Variants in KIAA1217 observed in about 807,000 individuals in gnomAD.
KIAA1217 encodes sickle tail protein homolog.
KIAA1217 carries 88 observed loss-of-function variants against 163.9 expected under a neutral mutation model. That is an observed-to-expected ratio of 0.54 (90% CI 0.45 to 0.64). The LOEUF (loss-of-function observed/expected upper bound fraction) is 0.64, where lower values mean the gene tolerates loss of function less well. KIAA1217 is among the 30% of genes least tolerant of loss of function. The pLI is 0.00. For missense variants in KIAA1217, 2,372 were observed against 2,475.0 expected, an observed-to-expected ratio of 0.96 and a Z score of 0.88; for synonymous variants, 903 against 923.1, an observed-to-expected ratio of 0.98 and a Z score of 0.39.
In KIAA1217 at chr10:24,513,367, C is replaced by T. The variant is rs764228256; in HGVS notation, c.2110C>T (p.Arg704Cys). The change falls in exon 10 of 21, where the codon CGC (arginine) becomes TGC (cysteine). Residue 704 changes from arginine (R) to cysteine (C), a missense_variant. By Grantham distance (180) the Arg-to-Cys change is radical (BLOSUM62 -3). Transcript: ENST00000376454. ...ACTGGAGGATCCCGTGCAGCGACAGCGCGTCCTAGTGGAGCAAGAGAGACA... is the reference window on the plus strand; with the variant it reads ...ACTGGAGGATCCCGTGCAGCGACAGTGCGTCCTAGTGGAGCAAGAGAGACA... ...KRLEDPVQRQ[R>C]VLVEQERQKY... The T allele has an allele frequency of 6.2e-6, 10 of 1,614,022 alleles. No individual in the cohort carries two copies. The highest frequency in any genetic ancestry group is 1.1e-5 in the South Asian group (1 of 91,086).
At chr10:24,007,595 G>A (rs6482354) in intron 2 of KIAA1217, among the ~76,000 whole-genome samples, 5,318 of 152,156 alleles carry the variant, frequency 0.035, 218 homozygotes, top group African/African-American at 0.098. Flanking sequence ...TTGGTGTTGC[G>A]GACAGGGTTA....
chr10:24,510,644 G>T (rs903392525), intron 9 of KIAA1217, among the ~76,000 whole-genome samples: 3 of 151,876 alleles, frequency 2.0e-5, no homozygotes, highest in African/African-American at 7.3e-5. Context: ...ACTCATTCCC[G>T]CCCCCTTCAA....
At chr10:24,532,963 A>G (rs2073349032) in intron 15 of KIAA1217, 107 bp from the exon 16 acceptor site, 1 of 952,006 alleles carries the variant, frequency 1.1e-6, no homozygotes, top group South Asian at 3.0e-5. Context: ...CTCAGCTAAG[A>G]TCTAGGAAGC....
chr10:23,869,854 T>C (rs1395155212), intron 1 of KIAA1217, among the ~76,000 whole-genome samples: 1 of 152,144 alleles, frequency 6.6e-6, no homozygotes, highest in Non-Finnish European at 1.5e-5. Flanking sequence ...TAAACAAATA[T>C]TTTTAGTCAA....
intron 1 of KIAA1217, among the ~76,000 whole-genome samples, chr10:23,929,516 A>G (rs1165263788): frequency 6.6e-6 from 1 of 152,012 alleles, no homozygotes; most frequent in Non-Finnish European, 1.5e-5. Flanking sequence ...CTTTAAGTCC[A>G]CGTGTACCCA....
intron 1 of KIAA1217, among the ~76,000 whole-genome samples, chr10:23,823,647 C>T (rs1471152102): frequency 6.6e-6 from 1 of 152,094 alleles, no homozygotes; most frequent in Non-Finnish European, 1.5e-5. Flanking sequence ...TTTGGCCTAC[C>T]AAGATGCCTT....
intron 1 of KIAA1217, among the ~76,000 whole-genome samples, chr10:23,940,460 C>CAAAAAAAAAAAAAAAAAAAA (rs760090400): frequency 1.1e-4 from 5 of 46,034 alleles, no homozygotes; most frequent in Non-Finnish European, 1.9e-4. Flanking sequence ...GACTCCGTCT[C>CAAAAAAAAAAAAAAAAAAAA]AAAAAAAAAA....
chr10:23,932,072 C>T (rs1456530946), intron 1 of KIAA1217, among the ~76,000 whole-genome samples: 1 of 152,160 alleles, frequency 6.6e-6, no homozygotes, highest in Non-Finnish European at 1.5e-5. Context: ...ACCTGGGCTT[C>T]TCCCTCCTCC....
At chr10:24,099,725 G>A (rs1423535575) in intron 2 of KIAA1217, among the ~76,000 whole-genome samples, 1 of 148,538 alleles carries the variant, frequency 6.7e-6, no homozygotes, top group Non-Finnish European at 1.5e-5. Flanking sequence ...ATCTCCTAAT[G>A]CTATCCCTCC....
intron 1 of KIAA1217, among the ~76,000 whole-genome samples, chr10:23,711,927 G>A (rs146239281): frequency 2.0e-4 from 31 of 152,238 alleles, no homozygotes; most frequent in Non-Finnish European, 3.2e-4. Context: ...TGTGGGAATC[G>A]CAGAGAAACA....
At chr10:24,222,525 C>T (rs886837106) in intron 2 of KIAA1217, among the ~76,000 whole-genome samples, 8 of 152,040 alleles carry the variant, frequency 5.3e-5, no homozygotes, top group African/African-American at 1.4e-4. Context: ...GATGGAGTCT[C>T]GCTCTGTTGC....
chr10:24,038,998 C>CA (rs1320415002), intron 2 of KIAA1217, among the ~76,000 whole-genome samples: 1 of 152,136 alleles, frequency 6.6e-6, no homozygotes, highest in Non-Finnish European at 1.5e-5. Context: ...CCCACCTTGG[C>CA]CTTCCAAAGT....
At chr10:24,384,526 T>A (rs1301847159) in intron 3 of KIAA1217, among the ~76,000 whole-genome samples, 1 of 152,108 alleles carries the variant, frequency 6.6e-6, no homozygotes, top group African/African-American at 2.4e-5. Flanking sequence ...TTCCATGGAT[T>A]TGGACAAAGA....
At chr10:24,236,808 C>T (rs1156558406) in intron 2 of KIAA1217, among the ~76,000 whole-genome samples, 8 of 151,900 alleles carry the variant, frequency 5.3e-5, no homozygotes, top group Admixed American at 1.3e-4. Flanking sequence ...CACACCAGCA[C>T]GCCGGGCTAA....
intron 2 of KIAA1217, among the ~76,000 whole-genome samples, chr10:24,107,772 A>G (rs185060375): frequency 3.3e-5 from 5 of 152,338 alleles, no homozygotes; most frequent in Admixed American, 2.6e-4. Context: ...TAACAACACT[A>G]TCAGAATCTT....
intron 1 of KIAA1217, among the ~76,000 whole-genome samples, chr10:23,918,907 C>CG (rs1842735226): frequency 6.6e-6 from 1 of 152,112 alleles, no homozygotes; most frequent in East Asian, 1.9e-4. Context: ...GTCCCTAAGC[C>CG]TAATTAGATG....
At chr10:24,321,876 G>T (rs1356498076) in intron 2 of KIAA1217, among the ~76,000 whole-genome samples, 1 of 152,118 alleles carries the variant, frequency 6.6e-6, no homozygotes, top group Non-Finnish European at 1.5e-5. Flanking sequence ...AAAATACTTA[G>T]TGCCACTGAA....
chr10:24,460,010 G>C (rs1297292898), intron 5 of KIAA1217, among the ~76,000 whole-genome samples: 1 of 152,154 alleles, frequency 6.6e-6, no homozygotes, highest in African/African-American at 2.4e-5. Flanking sequence ...CTCCCCATTT[G>C]GTGTTCTTCC....
At chr10:24,261,969 A>AT (rs2131732906) in intron 2 of KIAA1217, among the ~76,000 whole-genome samples, 1 of 152,318 alleles carries the variant, frequency 6.6e-6, no homozygotes, top group Admixed American at 6.5e-5. Flanking sequence ...ACCCTTCTCA[A>AT]TGCTTATGTG....
Sources: allele counts gnomAD v4.1 joint callset (sites outside exome capture counted in the v4.1 genomes callset), GRCh38; gene constraint gnomAD v4.1.1; transcripts MANE v1.5; gene names NCBI Gene and HGNC (gene_info 2026-07-23, HGNC 2026-07-21).